Variants in GEMIN2 observed in about 807,000 individuals in gnomAD.
GEMIN2 encodes the protein gem nuclear organelle associated protein 2, also known as gem-associated protein 2.
GEMIN2 carries 37 observed loss-of-function variants against 45.8 expected under a neutral mutation model. That is an observed-to-expected ratio of 0.81 (90% CI 0.62 to 1.06). The LOEUF is 1.06. Ranked by LOEUF, GEMIN2 falls within the 50% of genes least tolerant of loss-of-function variation. The pLI is 0.00. For missense variants in GEMIN2, 335 were observed against 321.8 expected (o/e 1.04, Z -0.31); for synonymous variants, 101 against 111.5 (o/e 0.91, Z 0.60).
At chr14:39,118,414 A>G in intron 3 of GEMIN2, 126 bp from the exon 4 acceptor site, 1 of 632,100 alleles carries the variant, frequency 1.6e-6, no homozygotes, top group South Asian at 1.9e-5. Context: ...ATGGTCTTTT[A>G]CATCTCACCC....
intron 7 of GEMIN2, among the ~76,000 whole-genome samples, chr14:39,130,237 T>G (rs1218933625): frequency 6.6e-6 from 1 of 152,154 alleles, no homozygotes; most frequent in East Asian, 1.9e-4. Context: ...ATTTGAATCT[T>G]TTTCTGTAAG....
chr14:39,126,965 G>A lies in GEMIN2; in HGVS notation c.532-1315G>A, dbSNP rs898179746. 3.5e-4 allele frequency among the ~76,000 whole-genome samples: 53 copies of A among 151,902 alleles called. 1 individual carries two copies. Among genetic ancestry groups the A allele is most frequent in the Admixed American group, 2.0e-4 (3 of 15,212 alleles). On this transcript the variant is annotated intron_variant, in intron 6 of 9. Coordinates refer to ENST00000308317, the MANE Select transcript of GEMIN2 (RefSeq NM_003616.3). ...TATTTTAGCAGGGATGGGGTTTACCGTGTTGGCCAGGATGGTCTTTGTCTC... is the reference window on the plus strand; with the variant it reads ...TATTTTAGCAGGGATGGGGTTTACCATGTTGGCCAGGATGGTCTTTGTCTC...
Position 39,128,299 on chromosome 14 carries a change from TG to T in GEMIN2, c.553del (p.Glu185AsnfsTer3). ...RMNQATVTSV[L>X]EYLSNWFGER... The stretch of plus-strand genomic sequence containing the variant: ...TTTTAGGCAACAGTAACTAGTGTCT[TG>T]GAATATCTGAGTAATTGGTTTGGAG... On this transcript the variant is annotated frameshift_variant, in exon 7 of 10. Transcript: ENST00000308317. LOFTEE classifies it high-confidence loss of function. The T allele has an allele frequency of 6.4e-7, 1 of 1,571,728 alleles. No individual in the cohort carries two copies. The highest frequency in any genetic ancestry group is 8.7e-7 in the Non-Finnish European group (1 of 1,148,414).
intron 7 of GEMIN2, among the ~76,000 whole-genome samples, chr14:39,129,437 G>A (rs1055382447): frequency 2.0e-5 from 3 of 152,022 alleles, no homozygotes; most frequent in Non-Finnish European, 2.9e-5. Flanking sequence ...GTTTTGACAT[G>A]GAATCTCCCT....
chr14:39,120,949 C>G (rs755116227), intron 4 of GEMIN2, among the ~76,000 whole-genome samples: 2 of 152,178 alleles, frequency 1.3e-5, no homozygotes, highest in Non-Finnish European at 2.9e-5. Context: ...GTGATATGTA[C>G]AAACAAAGGT....
At chr14:39,129,813 G>A (rs1343774399) in intron 7 of GEMIN2, among the ~76,000 whole-genome samples, 4 of 151,386 alleles carry the variant, frequency 2.6e-5, no homozygotes, top group Non-Finnish European at 4.4e-5. Context: ...AGAAACACTA[G>A]AATGTAAATC....
At chr14:39,120,607 G>A (rs7145856) in intron 4 of GEMIN2, among the ~76,000 whole-genome samples, 44,632 of 105,654 alleles carry the variant, frequency 0.42, 7,680 homozygotes, top group Non-Finnish European at 0.49. Context: ...TTCATCGTGA[G>A]GTTTTATTTT....
intron 8 of GEMIN2, among the ~76,000 whole-genome samples, chr14:39,132,678 T>TC: frequency 1.6e-5 from 1 of 62,216 alleles, no homozygotes; most frequent in Non-Finnish European, 3.3e-5. Context: ...TTTTTTTTTT[T>TC]TTTTTTTTCT....
intron 7 of GEMIN2, among the ~76,000 whole-genome samples, chr14:39,131,126 G>C (rs151319494): frequency 0.016 from 2,392 of 151,868 alleles, 47 homozygotes; most frequent in African/African-American, 0.046. Context: ...GGTGAAACCC[G>C]GTCTCTATTA....
chr14:39,128,536 G>A (rs1330451624), intron 7 of GEMIN2, among the ~76,000 whole-genome samples, 188 bp downstream of exon 7: 1 of 133,528 alleles, frequency 7.5e-6, no homozygotes, highest in African/African-American at 2.9e-5. Flanking sequence ...TGTTACCCAG[G>A]CTGGGGTGCA....
At chr14:39,128,898 C>G (rs933656624) in intron 7 of GEMIN2, among the ~76,000 whole-genome samples, 1 of 152,134 alleles carries the variant, frequency 6.6e-6, no homozygotes, top group Non-Finnish European at 1.5e-5. Context: ...CTTGGCCTCC[C>G]AAACTGTTTG....
chr14:39,128,956 T>G (rs765586073), intron 7 of GEMIN2, among the ~76,000 whole-genome samples: 3 of 152,100 alleles, frequency 2.0e-5, no homozygotes, highest in Non-Finnish European at 4.4e-5. Context: ...AGTATTTAAA[T>G]ATGTTTAGAT....
chr14:39,128,480 C>CTTTTTTT (rs1253528442), intron 7 of GEMIN2, 132 bp downstream of exon 7: 4 of 234,752 alleles, frequency 1.7e-5, no homozygotes, highest in African/African-American at 1.7e-4. Context: ...TTCTTTTTTT[C>CTTTTTTT]TTTTCTTTTT....
intron 7 of GEMIN2, among the ~76,000 whole-genome samples, chr14:39,130,271 A>T (rs1377777067): frequency 6.6e-6 from 1 of 151,938 alleles, no homozygotes; most frequent in African/African-American, 2.4e-5. Flanking sequence ...TATTGATTTG[A>T]GTTTGCCTGA....
rs1263477095 is a variant in GEMIN2 at position 39,136,543 on chromosome 14, A to T, written c.*64A>T. On this transcript the variant is annotated 3_prime_UTR_variant, in exon 10 of 10. Coordinates refer to ENST00000308317, the MANE Select transcript of GEMIN2 (RefSeq NM_003616.3). ...AAGGCAGCCTAACTCTGAGGAAAAC[A>T]ATGCCAATTCAAGTACAGATTTCAA... is the stretch of plus-strand genomic sequence containing the variant. The T allele has an allele frequency of 2.5e-5, 32 of 1,300,670 alleles. No homozygotes were observed. The highest frequency in any genetic ancestry group is 3.6e-5 in the Non-Finnish European group (32 of 900,714). The allele number at this position is 1,300,670 out of a possible 1,614,324, so 80.6% of individuals were successfully genotyped here.
intron 5 of GEMIN2, among the ~76,000 whole-genome samples, chr14:39,123,726 T>A (rs1304397960): frequency 8.9e-6 from 1 of 112,356 alleles, no homozygotes; most frequent in Non-Finnish European, 1.8e-5. Flanking sequence ...TTTTTTTTTT[T>A]TTTTTTTTTT....
In GEMIN2 at chr14:39,129,634, A is replaced by G. The variant is rs569118922; in HGVS notation, c.600+1286A>G. Reference sequence around the variant, plus strand: ...CTCCATGTTGGCCAGACTGGTCTTGAACTCATGACCTCAGGTGATCTGCCC... The same window carrying G: ...CTCCATGTTGGCCAGACTGGTCTTGGACTCATGACCTCAGGTGATCTGCCC... On this transcript the variant is annotated intron_variant, in intron 7 of 9. Transcript: ENST00000308317. Among the ~76,000 whole-genome samples the G allele has an allele frequency of 3.9e-5, 6 of 152,186 alleles. No homozygotes were observed. In the South Asian group the frequency reaches 8.3e-4, roughly 21 times the overall value.
chr14:39,128,023 G>A (rs1247807800), intron 6 of GEMIN2, among the ~76,000 whole-genome samples: 5 of 128,246 alleles, frequency 3.9e-5, no homozygotes, highest in Admixed American at 3.0e-4. Context: ...AGCCAAGATC[G>A]CACCAGTGCG....
chr14:39,116,553 A>C (rs1279311589), intron 2 of GEMIN2, among the ~76,000 whole-genome samples: 5 of 151,852 alleles, frequency 3.3e-5, no homozygotes, highest in African/African-American at 9.7e-5. Context: ...AGTAGCTGGG[A>C]CTACAGGCGC....
Sources: gnomAD v4.1 joint callset for allele counts (sites outside exome capture counted in the v4.1 genomes callset) on GRCh38, gnomAD v4.1.1 for gene constraint, MANE v1.5 for transcripts, NCBI Gene and HGNC (gene_info 2026-07-23, HGNC 2026-07-21) for gene names.